Variants in ANKRD26 observed in about 807,000 individuals in gnomAD.
ANKRD26 encodes ankyrin repeat domain-containing protein 26.
A neutral mutation model predicts 208.7 loss-of-function variants in ANKRD26; 141 were observed. The ratio of observed to expected loss-of-function variants is 0.68; its 90% CI spans 0.59 to 0.78. ANKRD26 has a LOEUF of 0.78. Ranked by LOEUF, ANKRD26 falls within the 30% of genes least tolerant of loss-of-function variation. The pLI, the probability that ANKRD26 is intolerant of heterozygous loss-of-function variation, is 0.00. For missense variants in ANKRD26, 1,889 were observed against 1,938.7 expected (o/e 0.97, Z 0.48); for synonymous variants, 636 against 660.4 (o/e 0.96, Z 0.57).
At chr10:27,089,718 C>T (rs773375391) in intron 4 of ANKRD26, among the ~76,000 whole-genome samples, 28 of 152,188 alleles carry the variant, frequency 1.8e-4, no homozygotes, top group Admixed American at 1.3e-4. Context: ...CCTTAGCCCA[C>T]GGCTTGAAGC....
chr10:27,040,294 T>C (rs2054191188), intron 20 of ANKRD26, 116 bp from the exon 21 acceptor site: 3 of 752,628 alleles, frequency 4.0e-6, no homozygotes, highest in Non-Finnish European at 6.7e-6. Flanking sequence ...GGGCCTACAA[T>C]GTGGAAGACA....
intron 20 of ANKRD26, 53 bp downstream of exon 20, chr10:27,043,373 A>G (rs1299504973): frequency 2.3e-5 from 36 of 1,580,334 alleles, no homozygotes; most frequent in Non-Finnish European, 3.1e-5. Context: ...ATTACATTAC[A>G]TACATTACAA....
chr10:27,001,662 G>C (rs1273249882), downstream of ANKRD26, among the ~76,000 whole-genome samples: 1 of 152,236 alleles, frequency 6.6e-6, no homozygotes, highest in East Asian at 1.9e-4. Context: ...TGCCTGGCCA[G>C]TGCCATGTTG....
intron 27 of ANKRD26, among the ~76,000 whole-genome samples, chr10:27,028,334 T>C (rs1254804398): frequency 1.3e-5 from 2 of 151,978 alleles, no homozygotes; most frequent in African/African-American, 4.8e-5. Flanking sequence ...CTGTGGCTCA[T>C]ACCTGTAATC....
At chr10:27,040,251 C>T (rs57252982) in intron 20 of ANKRD26, 73 bp from the exon 21 acceptor site, 9 of 1,107,924 alleles carry the variant, frequency 8.1e-6, no homozygotes, top group South Asian at 6.7e-5. Context: ...CTATAACATT[C>T]ACTCATTAAG....
Position 27,035,166 on chromosome 10 carries a change from T to C in ANKRD26, c.3284A>G (p.Glu1095Gly), listed in dbSNP as rs756035447. The stretch of plus-strand genomic sequence containing the variant: ...TTGGCTTAGGTCCTTTTGTACCCGT[T>C]CTAAACCCAAAGTCTTTTCTCTGAG... The part of the protein sequence containing the change: ...DALREKTLGL[E>G]RVQKDLSQTQ... Residue 1095 changes from glutamate to glycine, a missense_variant, in exon 24 of 34, where the codon GAA becomes GGA. Physicochemically the swap from Glu to Gly is moderately conservative, Grantham distance 98 (BLOSUM62 -2). This residue lies in a region of ANKRD26 where 1,272 missense variants were observed against 1,273.8 expected (regional missense o/e 1.00). Transcript: ENST00000376087. 1.9e-6 allele frequency: 3 copies of C among 1,614,070 alleles called. No homozygotes were observed. The South Asian group carries it at 3.3e-5, about 18-fold the overall frequency.
intron 9 of ANKRD26, among the ~76,000 whole-genome samples, chr10:27,071,158 C>CTTTT (rs1564411968): frequency 3.9e-5 from 5 of 128,724 alleles, no homozygotes; most frequent in African/African-American, 9.3e-5. Context: ...TTGCTACATT[C>CTTTT]ATTTTTTTTT....
the ANKRD26 span, among the ~76,000 whole-genome samples, chr10:26,967,249 CAGAT>C: frequency 5.3e-5 from 8 of 152,248 alleles, no homozygotes; most frequent in East Asian, 9.6e-4. Context: ...AGCTAAAGGA[CAGAT>C]AGATAGATAT....
intron 17 of ANKRD26, among the ~76,000 whole-genome samples, chr10:27,048,251 G>C (rs538857042): frequency 6.6e-6 from 1 of 151,874 alleles, no homozygotes; most frequent in Non-Finnish European, 1.5e-5. Flanking sequence ...CCAACATTTG[G>C]GATACTATAA....
At chr10:27,093,031 G>A (rs111758351) in intron 3 of ANKRD26, among the ~76,000 whole-genome samples, 15,470 of 151,982 alleles carry the variant, frequency 0.1, 1,233 homozygotes, top group East Asian at 0.27. Flanking sequence ...AGAGGTTGCA[G>A]TGAGCCGAGA....
At chr10:26,967,796 A>C in the ANKRD26 span, among the ~76,000 whole-genome samples, 1 of 152,198 alleles carries the variant, frequency 6.6e-6, no homozygotes, top group East Asian at 1.9e-4. Flanking sequence ...TTCTACTCTT[A>C]ATAACCTACA....
At chr10:27,011,417 A>C (rs541527122) in intron 32 of ANKRD26, among the ~76,000 whole-genome samples, 79 of 152,272 alleles carry the variant, frequency 5.2e-4, no homozygotes, top group African/African-American at 1.8e-3. Context: ...ACAAGTGTTC[A>C]CCATTGCAAC....
chr10:27,048,739 C>T, intron 17 of ANKRD26, 62 bp downstream of exon 17: 1 of 1,516,834 alleles, frequency 6.6e-7, no homozygotes, highest in Non-Finnish European at 9.1e-7. Context: ...GAATATTAGT[C>T]CAAATTAGAA....
chr10:27,074,341 C>T (rs1377957517), intron 9 of ANKRD26, among the ~76,000 whole-genome samples: 3 of 151,956 alleles, frequency 2.0e-5, no homozygotes, highest in South Asian at 4.2e-4. Context: ...TAAAGAAAAA[C>T]CAATCAGAAC....
At chr10:27,016,210 G>T (rs967546678) in intron 30 of ANKRD26, among the ~76,000 whole-genome samples, 3 of 151,870 alleles carry the variant, frequency 2.0e-5, no homozygotes, top group Admixed American at 2.0e-4. Flanking sequence ...GGTTGGTCTT[G>T]AACTCCTGGG....
At chr10:27,093,165 C>T (rs2056355074) in intron 3 of ANKRD26, among the ~76,000 whole-genome samples, 184 bp downstream of exon 3, 1 of 152,050 alleles carries the variant, frequency 6.6e-6, no homozygotes, top group Non-Finnish European at 1.5e-5. Context: ...GAAAGGTGTA[C>T]TGCCTAATGC....
intron 6 of ANKRD26, chr10:27,079,993 T>C (rs2055844884): frequency 6.5e-6 from 2 of 306,320 alleles, no homozygotes; most frequent in Non-Finnish European, 1.3e-5. Flanking sequence ...CTGTCTCTAC[T>C]AAAAATACAA....
chr10:27,001,251 G>A (rs1448401977), downstream of ANKRD26, among the ~76,000 whole-genome samples: 3 of 152,114 alleles, frequency 2.0e-5, no homozygotes, highest in African/African-American at 7.2e-5. Flanking sequence ...GTTAGGGGCT[G>A]GAGTCTGGAT....
At chr10:27,030,326 G>A in intron 25 of ANKRD26, 1 of 923,296 alleles carries the variant, frequency 1.1e-6, no homozygotes, top group Non-Finnish European at 1.3e-6. Context: ...CTTTCTCTCT[G>A]CTTTACTCAG....
Sources: allele counts gnomAD v4.1 joint callset (sites outside exome capture counted in the v4.1 genomes callset), GRCh38; gene constraint gnomAD v4.1.1; regional missense constraint gnomAD v4.1.1; transcripts MANE v1.5; gene names NCBI Gene and HGNC (gene_info 2026-07-23, HGNC 2026-07-21).